The following NCOA2 variants were observed in gnomAD, a reference collection of about 807,000 sequenced individuals.
NCOA2 encodes the protein class E basic helix-loop-helix protein 75.
In NCOA2, 21 loss-of-function variants were observed where a neutral mutation model predicts 145.1. The observed-to-expected ratio is 0.14, with a 90% CI of 0.10 to 0.21. NCOA2 has a LOEUF of 0.21. Ranked by LOEUF, NCOA2 falls within the 10% of genes least tolerant of loss-of-function variation. The pLI, the probability that NCOA2 is intolerant of heterozygous loss-of-function variation, is 1.00. For missense variants in NCOA2, 1,472 were observed against 1,837.6 expected (o/e 0.80, Z 3.64); for synonymous variants, 619 against 637.5 (o/e 0.97, Z 0.44).
At chr8:70,397,577 G>A (rs1813793921) in intron 1 of NCOA2, among the ~76,000 whole-genome samples, 1 of 151,974 alleles carries the variant, frequency 6.6e-6, no homozygotes, top group Non-Finnish European at 1.5e-5. Context: ...AACCTAGGTA[G>A]TTAAGGCCCA....
At chr8:70,343,780 T>TAAG (rs1808357100) in intron 1 of NCOA2, among the ~76,000 whole-genome samples, 1 of 149,548 alleles carries the variant, frequency 6.7e-6, no homozygotes, top group South Asian at 2.1e-4. Flanking sequence ...CACTGCACTC[T>TAAG]AGCCTGGGTG....
chr8:70,321,968 A>C (rs964838424), intron 1 of NCOA2, among the ~76,000 whole-genome samples: 1 of 151,692 alleles, frequency 6.6e-6, no homozygotes, highest in Non-Finnish European at 1.5e-5. Flanking sequence ...ATCTCTACTA[A>C]AAATACAAAA....
chr8:70,312,116 T>C (rs1805175355), intron 1 of NCOA2, among the ~76,000 whole-genome samples: 1 of 152,182 alleles, frequency 6.6e-6, no homozygotes, highest in Non-Finnish European at 1.5e-5. Flanking sequence ...AATCAGATCT[T>C]CTGACTCTAG....
At chr8:70,285,682 T>G (rs370248197) in intron 2 of NCOA2, among the ~76,000 whole-genome samples, 1 of 152,354 alleles carries the variant, frequency 6.6e-6, no homozygotes, top group East Asian at 1.9e-4. Context: ...CCGTAAGATG[T>G]GGGTAGGACT....
intron 16 of NCOA2, among the ~76,000 whole-genome samples, chr8:70,129,574 A>T (rs958228041): frequency 6.6e-6 from 1 of 152,088 alleles, no homozygotes; most frequent in African/African-American, 2.4e-5. Flanking sequence ...GCTGCCTATT[A>T]TCTACTGCTT....
intron 1 of NCOA2, among the ~76,000 whole-genome samples, chr8:70,366,758 A>G (rs1276166704): frequency 2.0e-5 from 3 of 149,246 alleles, no homozygotes; most frequent in Non-Finnish European, 3.0e-5. Context: ...AAAAAAAAAA[A>G]GGTTACTTGG....
intron 1 of NCOA2, among the ~76,000 whole-genome samples, chr8:70,356,402 A>G (rs1345873365): frequency 6.6e-6 from 1 of 152,216 alleles, no homozygotes. Context: ...TAGTCATTCT[A>G]CAGCAGCATA....
intron 1 of NCOA2, among the ~76,000 whole-genome samples, chr8:70,328,918 C>T (rs902648528): frequency 6.6e-6 from 1 of 152,090 alleles, no homozygotes; most frequent in Admixed American, 6.6e-5. Flanking sequence ...CTAGTACCTA[C>T]TAAAGCTCAA....
chr8:70,199,560 C>A (rs1225806571), intron 4 of NCOA2, among the ~76,000 whole-genome samples: 1 of 151,912 alleles, frequency 6.6e-6, no homozygotes, highest in East Asian at 1.9e-4. Context: ...CAACGGGAGT[C>A]GCTGCAGACA....
chr8:70,189,356 T>C (rs1472718243), intron 4 of NCOA2, among the ~76,000 whole-genome samples: 1 of 152,196 alleles, frequency 6.6e-6, no homozygotes, highest in Non-Finnish European at 1.5e-5. Context: ...CATAATATCA[T>C]TTACTGTATC....
intron 2 of NCOA2, among the ~76,000 whole-genome samples, chr8:70,226,969 AC>A (rs147313160): frequency 0.045 from 6,906 of 152,254 alleles, 262 homozygotes; most frequent in East Asian, 0.16. Context: ...CACAGATTCC[AC>A]CAGGAAGAAT....
intron 15 of NCOA2, among the ~76,000 whole-genome samples, chr8:70,132,981 G>A (rs1809320461): frequency 6.6e-6 from 1 of 152,096 alleles, no homozygotes; most frequent in African/African-American, 2.4e-5. Context: ...TAAGATAATT[G>A]GTGATGAAAT....
chr8:70,346,852 G>T (rs530407736), intron 1 of NCOA2, among the ~76,000 whole-genome samples: 127 of 152,290 alleles, frequency 8.3e-4, no homozygotes, highest in African/African-American at 2.9e-3. Flanking sequence ...CTGTATTCCT[G>T]AATCTTTTAT....
intron 1 of NCOA2, among the ~76,000 whole-genome samples, chr8:70,370,805 T>C (rs1484401478): frequency 6.6e-6 from 1 of 152,048 alleles, no homozygotes; most frequent in South Asian, 2.1e-4. Context: ...AGAAGAATGA[T>C]AGAAAGAATA....
At chr8:70,224,383 T>C (rs1197382732) in intron 2 of NCOA2, among the ~76,000 whole-genome samples, 1 of 152,362 alleles carries the variant, frequency 6.6e-6, no homozygotes, top group East Asian at 1.9e-4. Flanking sequence ...AAATGATACA[T>C]ACTACACCTT....
chr8:70,453,496 T>C, the NCOA2 span, among the ~76,000 whole-genome samples: 1 of 152,268 alleles, frequency 6.6e-6, no homozygotes, highest in African/African-American at 2.4e-5. Flanking sequence ...CACTCCTGTA[T>C]AGGGTAATGC....
At chr8:70,183,354 C>A (rs2133044167) in intron 4 of NCOA2, among the ~76,000 whole-genome samples, 1 of 152,250 alleles carries the variant, frequency 6.6e-6, no homozygotes, top group Middle Eastern at 3.4e-3. Context: ...AATGTCAACT[C>A]AAAAGCAAGG....
chr8:70,449,665 T>A, the NCOA2 span, among the ~76,000 whole-genome samples: 1 of 152,194 alleles, frequency 6.6e-6, no homozygotes, highest in African/African-American at 2.4e-5. Flanking sequence ...AGCCAGCATC[T>A]GCAGAGACCT....
At chr8:70,194,301 T>G (rs1048393935) in intron 4 of NCOA2, among the ~76,000 whole-genome samples, 4 of 152,230 alleles carry the variant, frequency 2.6e-5, no homozygotes, top group Admixed American at 6.5e-5. Flanking sequence ...CATACGGTCT[T>G]GTATATAGCT....
Sources: gnomAD v4.1 joint callset for allele counts (sites outside exome capture counted in the v4.1 genomes callset) on GRCh38, gnomAD v4.1.1 for gene constraint, MANE v1.5 for transcripts, NCBI Gene and HGNC (gene_info 2026-07-23, HGNC 2026-07-21) for gene names.